The following SLC25A26 variants were observed in gnomAD, a reference collection of about 807,000 sequenced individuals.
SLC25A26 encodes mitochondrial S-adenosylmethionine carrier protein.
A neutral mutation model predicts 37.8 loss-of-function variants in SLC25A26; 36 were observed. The ratio of observed to expected loss-of-function variants is 0.95; its 90% CI spans 0.73 to 1.26. The LOEUF (loss-of-function observed/expected upper bound fraction) is 1.26, where lower values mean the gene tolerates loss of function less well. Ranked by LOEUF, SLC25A26 falls within the 50% of genes most tolerant of loss-of-function variation. The probability of loss-of-function intolerance (pLI) is 0.00; values close to 1 mark genes in which losing one functional copy is unlikely to be tolerated. For synonymous variants in SLC25A26, 129 were observed against 122.5 expected, an observed-to-expected ratio of 1.05 and a Z score of -0.35; for missense variants, 390 against 331.1, an observed-to-expected ratio of 1.18 and a Z score of -1.38.
chr3:66,208,506 T>G (rs1012727975), intron 1 of SLC25A26, among the ~76,000 whole-genome samples: 6,442 of 151,810 alleles, frequency 0.042, 474 homozygotes, highest in African/African-American at 0.15. Context: ...GTGTTTTGTC[T>G]GTCAAAAATA....
intron 5 of SLC25A26, among the ~76,000 whole-genome samples, chr3:66,307,714 A>G (rs2075266802): frequency 6.6e-6 from 1 of 152,242 alleles, no homozygotes; most frequent in South Asian, 2.1e-4. Flanking sequence ...AGTTTTCTGC[A>G]TATGGCTAGC....
chr3:66,213,479 T>A (rs997548360), intron 1 of SLC25A26, among the ~76,000 whole-genome samples: 15 of 151,328 alleles, frequency 9.9e-5, no homozygotes, highest in African/African-American at 3.2e-4. Context: ...TAATTTTTTT[T>A]AGAGAAATTT....
intron 1 of SLC25A26, among the ~76,000 whole-genome samples, chr3:66,199,723 C>A (rs1691417792): frequency 6.6e-6 from 1 of 151,918 alleles, no homozygotes. Flanking sequence ...CTTACTCTCA[C>A]CATGATATTG....
At chr3:66,219,537 A>G (rs1359388059), upstream of SLC25A26, among the ~76,000 whole-genome samples, 2 of 152,202 alleles carry the variant, frequency 1.3e-5, no homozygotes, top group African/African-American at 4.8e-5. Flanking sequence ...GTGAACTAGC[A>G]TGTTTTGAGA....
intron 1 of SLC25A26, among the ~76,000 whole-genome samples, chr3:66,175,109 G>GTGTATA (rs1553650656): frequency 4.1e-5 from 4 of 97,310 alleles, no homozygotes; most frequent in East Asian, 3.1e-4. Context: ...ATGTGTGTGT[G>GTGTATA]TATATATATA....
chr3:66,352,369 G>T (rs188030559), intron 6 of SLC25A26, among the ~76,000 whole-genome samples: 5 of 151,576 alleles, frequency 3.3e-5, no homozygotes, highest in Non-Finnish European at 5.9e-5. Context: ...CCACTCACCC[G>T]CTGTGCCCGG....
chr3:66,358,829 CG>C (rs1166670330), intron 6 of SLC25A26, among the ~76,000 whole-genome samples: 19 of 152,238 alleles, frequency 1.2e-4, no homozygotes, highest in African/African-American at 4.6e-4. Context: ...ACATGTAAGT[CG>C]GAAGATTCTG....
Position 66,358,210 on chromosome 3 carries a change from AATT to A in SLC25A26, c.499-4649_499-4647del, listed in dbSNP as rs199729474. Among the ~76,000 whole-genome samples, 33 of 152,340 alleles carry A rather than the reference AATT, an allele frequency of 2.2e-4. No homozygotes were observed. In the East Asian group the frequency reaches 5.6e-3, roughly 26 times the overall value. ...CCTCCAAATAGATGAGCAAATATGT[AATT>A]TCAAAATATTTCCATAATTTATGTA... On this transcript the variant is annotated intron_variant, in intron 6 of 9. Coordinates refer to ENST00000354883, the MANE Select transcript of SLC25A26 (RefSeq NM_001379210.1).
chr3:66,345,592 A>T (rs1354764289), intron 5 of SLC25A26, among the ~76,000 whole-genome samples: 3 of 123,216 alleles, frequency 2.4e-5, no homozygotes, highest in African/African-American at 3.2e-5. Context: ...CTTTTCTTCC[A>T]CTCCTTTCTC....
chr3:66,377,936 G>A lies in SLC25A26; in HGVS notation c.*129G>A, dbSNP rs1460694655. 1.4e-6 allele frequency: 1 copy of A among 710,914 alleles called. No homozygotes were observed. Among genetic ancestry groups the A allele is most frequent in the Non-Finnish European group, 2.4e-6 (1 of 415,026 alleles). 44.0% of individuals were successfully genotyped at this position (710,914 alleles called of 1,614,324 possible). Reference sequence around the variant, plus strand: ...CCAGTTGTGCTAAGATACCGGCATGGAGATTGTGCCATCCGTGGTATAGGC... The same window carrying A: ...CCAGTTGTGCTAAGATACCGGCATGAAGATTGTGCCATCCGTGGTATAGGC... On this transcript the variant is annotated 3_prime_UTR_variant, in exon 10 of 10. Transcript: ENST00000354883.
chr3:66,199,331 A>T (rs1469794261), intron 1 of SLC25A26, among the ~76,000 whole-genome samples: 1 of 151,912 alleles, frequency 6.6e-6, no homozygotes, highest in Non-Finnish European at 1.5e-5. Flanking sequence ...TCTGACCCTC[A>T]TCCTGACTTG....
chr3:66,320,627 G>A (rs1575561564), intron 5 of SLC25A26, among the ~76,000 whole-genome samples: 1 of 152,106 alleles, frequency 6.6e-6, no homozygotes, highest in East Asian at 1.9e-4. Context: ...CAGTCATAAA[G>A]GAATTCTATT....
chr3:66,186,136 C>A (rs1348740451), intron 1 of SLC25A26, among the ~76,000 whole-genome samples: 2 of 152,048 alleles, frequency 1.3e-5, no homozygotes, highest in African/African-American at 4.8e-5. Flanking sequence ...TCTGGCCACC[C>A]GATACTTACT....
At chr3:66,343,779 G>A (rs2076260335) in intron 5 of SLC25A26, among the ~76,000 whole-genome samples, 1 of 151,990 alleles carries the variant, frequency 6.6e-6, no homozygotes, top group Non-Finnish European at 1.5e-5. Flanking sequence ...GTCTTTTGGG[G>A]CATATTTTAT....
intron 5 of SLC25A26, among the ~76,000 whole-genome samples, chr3:66,336,682 C>G (rs1035993606): frequency 6.6e-6 from 1 of 152,136 alleles, no homozygotes. Flanking sequence ...AATGAACTTC[C>G]TGGATTGCTT....
At chr3:66,340,731 G>C (rs889976961) in intron 5 of SLC25A26, among the ~76,000 whole-genome samples, 3 of 151,954 alleles carry the variant, frequency 2.0e-5, no homozygotes, top group African/African-American at 7.2e-5. Flanking sequence ...TCACTGTTTT[G>C]ATTATAGTAG....
At chr3:66,143,186 A>G (rs1399071068) in intron 1 of SLC25A26, among the ~76,000 whole-genome samples, 2 of 152,130 alleles carry the variant, frequency 1.3e-5, no homozygotes, top group Non-Finnish European at 2.9e-5. Context: ...AATTGCCATT[A>G]TCCATTATAT....
At chr3:66,260,924 G>C (rs1312067266) in intron 3 of SLC25A26, among the ~76,000 whole-genome samples, 7 of 152,172 alleles carry the variant, frequency 4.6e-5, no homozygotes, top group African/African-American at 1.7e-4. Context: ...CCTTGCCTTA[G>C]AACCATTTAA....
At chr3:66,223,664 C>T (rs782334883) in intron 1 of SLC25A26, among the ~76,000 whole-genome samples, 8 of 152,114 alleles carry the variant, frequency 5.3e-5, no homozygotes, top group Non-Finnish European at 8.8e-5. Context: ...AGTCTTGAAA[C>T]TTGGATTTGA....
Sources: gnomAD v4.1 joint callset for allele counts (sites outside exome capture counted in the v4.1 genomes callset) on GRCh38, gnomAD v4.1.1 for gene constraint, MANE v1.5 for transcripts, NCBI Gene and HGNC (gene_info 2026-07-23, HGNC 2026-07-21) for gene names.